DDX4: variants seen among roughly 807,000 people sequenced by gnomAD.
The protein encoded by DDX4 is probable ATP-dependent RNA helicase DDX4.
DDX4 carries 25 observed loss-of-function variants against 100.0 expected under a neutral mutation model. That is an observed-to-expected ratio of 0.25 (90% confidence interval 0.18 to 0.35). The LOEUF (loss-of-function observed/expected upper bound fraction) is 0.35. Among genes scored for constraint, DDX4 ranks in the 10% least tolerant of loss-of-function variants. DDX4 has a pLI of 1.00. For missense variants in DDX4, 635 were observed against 882.4 expected, an observed-to-expected ratio of 0.72 and a Z score of 3.55; for synonymous variants, 259 against 275.7, an observed-to-expected ratio of 0.94 and a Z score of 0.60.
At position 55,790,582 on chromosome 5, in the gene DDX4, T is replaced by C; in HGVS notation, c.1179T>C (p.Cys393=). ...TTAGTTTTCTTGTTAATAGGACTTG[T>C]GTAAGAGCTGTTGTTATATATGGGG... ...LEARKFSFGT[C]VRAVVIYGGT... The change falls in exon 16 of 22, where the codon TGT becomes TGC. Residue 393 remains cysteine, a synonymous_variant. Coordinates refer to ENST00000505374, the MANE Select transcript of DDX4 (RefSeq NM_024415.3). The C allele has an allele frequency of 6.3e-7, 1 of 1,589,706 alleles. No individual in the cohort carries two copies. The highest frequency in any genetic ancestry group is 8.6e-7 in the Non-Finnish European group (1 of 1,158,812).
chr5:55,771,636 A>G (rs1452448138), intron 7 of DDX4, among the ~76,000 whole-genome samples: 1 of 152,230 alleles, frequency 6.6e-6, no homozygotes, highest in East Asian at 1.9e-4. Context: ...TGGCTTTAAT[A>G]GTATTGTCAA....
chr5:55,816,643 C>T lies in DDX4; in HGVS notation c.*103C>T. On this transcript the variant is annotated 3_prime_UTR_variant, in exon 22 of 22. Transcript: ENST00000505374. ...ATAAAACTTAACATTCTCATAGCTC[C>T]TGTCCTTGTATTCTCACTCCTACAC... 1 of 1,515,156 alleles carries T rather than the reference C, an allele frequency of 6.6e-7. No individual in the cohort carries two copies. Among genetic ancestry groups the T allele is most frequent in the African/African-American group, 1.4e-5 (1 of 71,406 alleles). The allele number at this position is 1,515,156 out of a possible 1,614,324, so 93.9% of individuals were successfully genotyped here. A position where few individuals can be genotyped will look rare whatever the true frequency, so the allele number is the denominator to read the frequency against.
chr5:55,804,810 T>C lies in DDX4; in HGVS notation c.1615+6239T>C, dbSNP rs1183977576. Among the ~76,000 whole-genome samples, 3 of 152,278 alleles carry C rather than the reference T, an allele frequency of 2.0e-5. No individual in the cohort carries two copies. In the East Asian group the frequency reaches 5.8e-4, roughly 29 times the overall value. ...AGGATTGACTTGGCGATGCGGGCTCTTTTTTGGTTCCATATGAACTTTAAA... is the reference window on the plus strand; with the variant it reads ...AGGATTGACTTGGCGATGCGGGCTCCTTTTTGGTTCCATATGAACTTTAAA... On this transcript the variant is annotated intron_variant, in intron 18 of 21. Coordinates refer to ENST00000505374, the MANE Select transcript of DDX4 (RefSeq NM_024415.3).
At chr5:55,807,391 T>G (rs2112159499) in intron 18 of DDX4, among the ~76,000 whole-genome samples, 1 of 152,292 alleles carries the variant, frequency 6.6e-6, no homozygotes, top group South Asian at 2.1e-4. Context: ...ATTTTGCTCG[T>G]TAGTTGATGC....
intron 7 of DDX4, among the ~76,000 whole-genome samples, chr5:55,769,561 G>A (rs1741131134): frequency 6.6e-6 from 1 of 152,076 alleles, no homozygotes; most frequent in Non-Finnish European, 1.5e-5. Flanking sequence ...ACAAAAATCA[G>A]TGGCATTCCT....
chr5:55,757,986 A>G (rs943347484), intron 3 of DDX4, among the ~76,000 whole-genome samples: 1 of 152,242 alleles, frequency 6.6e-6, no homozygotes, highest in Non-Finnish European at 1.5e-5. Flanking sequence ...CAGAGGTCGC[A>G]GTGAGCGGAA....
intron 6 of DDX4, among the ~76,000 whole-genome samples, chr5:55,765,413 A>AAATATATATATATATATATATAT: frequency 1.2e-5 from 1 of 83,010 alleles, no homozygotes; most frequent in African/African-American, 5.8e-5. Flanking sequence ...AAAAAAAAAA[A>AAATATATATATATATATATATAT]ATATATATAT....
intron 18 of DDX4, among the ~76,000 whole-genome samples, chr5:55,799,171 G>T (rs895724822): frequency 1.3e-5 from 2 of 151,888 alleles, no homozygotes; most frequent in Non-Finnish European, 2.9e-5. Flanking sequence ...GGCCTCAAGC[G>T]ATCCTCCCAC....
At chr5:55,759,843 T>G (rs13181407) in intron 3 of DDX4, among the ~76,000 whole-genome samples, 1 of 152,138 alleles carries the variant, frequency 6.6e-6, no homozygotes, top group Non-Finnish European at 1.5e-5. Context: ...TGTTTCCCTG[T>G]GTCCTTGTTC....
At chr5:55,762,252 G>A (rs1323447854) in intron 4 of DDX4, among the ~76,000 whole-genome samples, 2 of 152,012 alleles carry the variant, frequency 1.3e-5, no homozygotes, top group East Asian at 1.9e-4. Context: ...ATTTTATGCT[G>A]TTTTGGATGT....
chr5:55,770,840 C>T (rs910906807), intron 7 of DDX4, among the ~76,000 whole-genome samples: 3 of 152,112 alleles, frequency 2.0e-5, no homozygotes, highest in Admixed American at 2.0e-4. Flanking sequence ...CAATTTTTGG[C>T]ACTTAATGTT....
intron 3 of DDX4, among the ~76,000 whole-genome samples, chr5:55,752,490 A>G (rs1244490285): frequency 1.1e-4 from 17 of 147,890 alleles, no homozygotes; most frequent in Non-Finnish European, 2.4e-4. Flanking sequence ...AATTTCATCC[A>G]TGTCCCTACA....
At chr5:55,816,378 C>T in intron 21 of DDX4, 85 bp from the exon 22 acceptor site, 1 of 1,507,964 alleles carries the variant, frequency 6.6e-7, no homozygotes, top group Non-Finnish European at 8.8e-7. Context: ...AGTCCTTGCT[C>T]TCAGTCTGAG....
intron 3 of DDX4, 44 bp from the exon 4 acceptor site, chr5:55,760,156 T>C (rs768028433): frequency 2.6e-6 from 4 of 1,553,658 alleles, no homozygotes; most frequent in Non-Finnish European, 3.5e-6. Flanking sequence ...AAGTACTAGA[T>C]ACTTGTTTTT....
At chr5:55,815,231 AT>A in intron 20 of DDX4, 60 bp downstream of exon 20, 1 of 1,599,740 alleles carries the variant, frequency 6.3e-7, no homozygotes, top group Middle Eastern at 1.7e-4. Flanking sequence ...GAAAGTAGAC[AT>A]TTTATGCATG....
At chr5:55,807,681 C>T (rs915182615) in intron 18 of DDX4, among the ~76,000 whole-genome samples, 6 of 152,298 alleles carry the variant, frequency 3.9e-5, no homozygotes, top group Admixed American at 3.9e-4. Flanking sequence ...AGAGTTTCTG[C>T]CGAGAGATCA....
chr5:55,796,823 C>CTTTTTT lies in DDX4; in HGVS notation c.1470-1574_1470-1569dup, dbSNP rs3990072. ...TTTTCTTTTCTTTTTTTCTTTCTTT[C>CTTTTTT]TTTTTTTTTTTTTTTTTTTTTTTTT... On this transcript the variant is annotated intron_variant, in intron 17 of 21. Transcript: ENST00000505374. Among the ~76,000 whole-genome samples, 573 of 59,928 alleles carry CTTTTTT rather than the reference C, an allele frequency of 9.6e-3. 57 individuals are homozygous for CTTTTTT. Among genetic ancestry groups the CTTTTTT allele is most frequent in the Non-Finnish European group, 0.013 (413 of 30,910 alleles). 39.3% of individuals were successfully genotyped at this position (59,928 alleles called of 152,430 possible). A position where few individuals can be genotyped will look rare whatever the true frequency, so the allele number is the denominator to read the frequency against.
rs532827318 is a variant in DDX4 at position 55,776,191 on chromosome 5, A to C, written c.395-3773A>C. On this transcript the variant is annotated intron_variant, in intron 7 of 21. Coordinates refer to ENST00000505374, the MANE Select transcript of DDX4 (RefSeq NM_024415.3). ...TTACAGAAAAGAACAGAGTGATTAA[A>C]GGTAAAGATTAAACACAGATGAAGA... Among the ~76,000 whole-genome samples the C allele has an allele frequency of 3.3e-5, 5 of 152,346 alleles. No homozygotes were observed. In the East Asian group the frequency reaches 5.8e-4, roughly 18 times the overall value.
At chr5:55,789,077 C>T (rs911433936) in intron 15 of DDX4, among the ~76,000 whole-genome samples, 8 of 152,028 alleles carry the variant, frequency 5.3e-5, no homozygotes, top group Non-Finnish European at 1.2e-4. Flanking sequence ...AAAAAACCAA[C>T]AGTTTTCTGT....
Sources: allele counts gnomAD v4.1 joint callset (sites outside exome capture counted in the v4.1 genomes callset), GRCh38; gene constraint gnomAD v4.1.1; transcripts MANE v1.5; gene names NCBI Gene and HGNC (gene_info 2026-07-23, HGNC 2026-07-21).